Variants in SMARCC1 observed in about 807,000 individuals in gnomAD.
SMARCC1 encodes SWI/SNF related BAF chromatin remodeling complex subunit C1.
Under a neutral mutation model 147.4 loss-of-function variants are expected in SMARCC1, and 43 were observed. That is an observed-to-expected ratio of 0.29 (90% confidence interval 0.23 to 0.38). SMARCC1 has a LOEUF of 0.38. Among genes scored for constraint, SMARCC1 ranks in the 10% least tolerant of loss-of-function variants. The probability of loss-of-function intolerance (pLI) is 1.00; values close to 1 mark genes in which losing one functional copy is unlikely to be tolerated. For synonymous variants in SMARCC1, 495 were observed against 484.4 expected (o/e 1.02, Z -0.29); for missense variants, 1,119 against 1,381.1 (o/e 0.81, Z 3.01).
At chr3:47,767,980 C>T (rs926071650) in intron 2 of SMARCC1, among the ~76,000 whole-genome samples, 5 of 151,784 alleles carry the variant, frequency 3.3e-5, no homozygotes, top group African/African-American at 4.8e-5. Flanking sequence ...GGCCTACAAG[C>T]GTGCAGGCAC....
chr3:47,704,816 C>G (rs574378869), intron 10 of SMARCC1, among the ~76,000 whole-genome samples: 2 of 151,892 alleles, frequency 1.3e-5, no homozygotes, highest in Non-Finnish European at 2.9e-5. Context: ...ACTCCAGAGG[C>G]TGAGGTAGGA....
intron 26 of SMARCC1, among the ~76,000 whole-genome samples, chr3:47,595,293 C>T (rs1324329958): frequency 1.3e-5 from 2 of 152,048 alleles, no homozygotes; most frequent in African/African-American, 2.4e-5. Flanking sequence ...TTTGGGAGGC[C>T]GAGGCGAGAT....
intron 1 of SMARCC1, among the ~76,000 whole-genome samples, chr3:47,779,749 T>C (rs2035018594): frequency 6.6e-6 from 1 of 152,204 alleles, no homozygotes. Flanking sequence ...AGGTAGAAAT[T>C]ACTGAAATTT....
chr3:47,653,080 C>A (rs1315622775), intron 21 of SMARCC1, among the ~76,000 whole-genome samples: 1 of 151,864 alleles, frequency 6.6e-6, no homozygotes, highest in Admixed American at 6.6e-5. Flanking sequence ...GCCTCAGCCT[C>A]CCGAGTAGCT....
At chr3:47,731,819 T>C (rs537020493) in intron 5 of SMARCC1, among the ~76,000 whole-genome samples, 1 of 152,298 alleles carries the variant, frequency 6.6e-6, no homozygotes, top group South Asian at 2.1e-4. Context: ...CATCTAGGCT[T>C]TGCTGTTTTG....
chr3:47,772,520 C>T (rs2034926649), intron 2 of SMARCC1, among the ~76,000 whole-genome samples: 3 of 152,106 alleles, frequency 2.0e-5, no homozygotes, highest in African/African-American at 7.2e-5. Flanking sequence ...AGAGCTGCAT[C>T]AGGAGAAAGC....
chr3:47,593,559 T>C (rs1329142830), intron 26 of SMARCC1, among the ~76,000 whole-genome samples: 2 of 152,216 alleles, frequency 1.3e-5, no homozygotes, highest in African/African-American at 4.8e-5. Context: ...CTAGGGACTT[T>C]ACTATCTATG....
intron 11 of SMARCC1, among the ~76,000 whole-genome samples, chr3:47,699,912 T>C (rs1389074880): frequency 1.3e-5 from 2 of 152,136 alleles, no homozygotes; most frequent in Admixed American, 6.6e-5. Context: ...TCCTAGGCTT[T>C]TTTTTAATAC....
intron 7 of SMARCC1, among the ~76,000 whole-genome samples, chr3:47,718,977 A>G (rs564382163): frequency 6.6e-6 from 1 of 152,178 alleles, no homozygotes; most frequent in African/African-American, 2.4e-5. Flanking sequence ...CAGTGGCGCA[A>G]TCTCGGCTCA....
At chr3:47,609,917 A>C in intron 26 of SMARCC1, 149 bp downstream of exon 26, 3 of 830,702 alleles carry the variant, frequency 3.6e-6, no homozygotes, top group Non-Finnish European at 5.6e-6. Flanking sequence ...CGATAACCCT[A>C]AATCTCACAT....
chr3:47,774,951 C>T (rs926333203), intron 1 of SMARCC1, among the ~76,000 whole-genome samples: 8 of 151,862 alleles, frequency 5.3e-5, no homozygotes, highest in African/African-American at 1.9e-4. Flanking sequence ...ACTACAGAGG[C>T]GTGCCAACAC....
chr3:47,661,766 C>CA (rs1490327288), intron 20 of SMARCC1, among the ~76,000 whole-genome samples: 3 of 151,490 alleles, frequency 2.0e-5, no homozygotes, highest in East Asian at 1.9e-4. Context: ...ATTAATAAGT[C>CA]AAAAAAACAA....
At chr3:47,596,025 A>G (rs1164410484) in intron 26 of SMARCC1, among the ~76,000 whole-genome samples, 5 of 149,140 alleles carry the variant, frequency 3.4e-5, no homozygotes, top group African/African-American at 1.2e-4. Flanking sequence ...GAGCTACCAA[A>G]CCCGGCCAGG....
At chr3:47,663,958 T>G in intron 19 of SMARCC1, 1 of 1,293,246 alleles carries the variant, frequency 7.7e-7, no homozygotes. Flanking sequence ...CTTTGAAAGC[T>G]CCGCAGAAAT....
chr3:47,760,588 G>A (rs564596713), intron 2 of SMARCC1, among the ~76,000 whole-genome samples: 2 of 151,794 alleles, frequency 1.3e-5, no homozygotes, highest in Non-Finnish European at 1.5e-5. Flanking sequence ...TTTGAACCTG[G>A]TAGGGGAGGA....
chr3:47,651,986 G>T (rs141926790), intron 21 of SMARCC1, among the ~76,000 whole-genome samples: 1 of 152,060 alleles, frequency 6.6e-6, no homozygotes, highest in East Asian at 1.9e-4. Flanking sequence ...AAGGTTTTTG[G>T]TTTTTATTTG....
intron 26 of SMARCC1, among the ~76,000 whole-genome samples, chr3:47,598,578 C>A (rs781307514): frequency 6.6e-6 from 1 of 151,930 alleles, no homozygotes; most frequent in Non-Finnish European, 1.5e-5. Flanking sequence ...GCCTGTAATC[C>A]CAGTACTTTG....
intron 2 of SMARCC1, among the ~76,000 whole-genome samples, chr3:47,767,982 TGCAG>T (rs1423622066): frequency 6.6e-6 from 1 of 151,808 alleles, no homozygotes; most frequent in Admixed American, 6.6e-5. Context: ...CCTACAAGCG[TGCAG>T]GCACCACCAC....
chr3:47,605,868 C>T (rs4274776), intron 26 of SMARCC1, among the ~76,000 whole-genome samples: 90,396 of 151,906 alleles, frequency 0.6, 28,168 homozygotes, highest in East Asian at 0.72. Flanking sequence ...TAGTCTACGG[C>T]GCTAGAAGTC....
Sources: allele counts gnomAD v4.1 joint callset (sites outside exome capture counted in the v4.1 genomes callset), GRCh38; gene constraint gnomAD v4.1.1; transcripts MANE v1.5; gene names NCBI Gene and HGNC (gene_info 2026-07-23, HGNC 2026-07-21).